LRRC9: variants seen among roughly 807,000 people sequenced by gnomAD.
LRRC9 encodes leucine-rich repeat-containing protein 9.
In LRRC9, 122 loss-of-function variants were observed where a neutral mutation model predicts 63.2. That is an observed-to-expected ratio of 1.93 (90% CI 1.67 to 2.24). The LOEUF (loss-of-function observed/expected upper bound fraction) is 2.24, where lower values mean the gene tolerates loss of function less well. LRRC9 is among the 30% of genes most tolerant of loss of function. LRRC9 has a pLI of 0.00. For missense variants in LRRC9, 1,071 were observed against 627.7 expected, an observed-to-expected ratio of 1.71 and a Z score of -7.55; for synonymous variants, 366 against 213.1, an observed-to-expected ratio of 1.72 and a Z score of -6.25.
chr14:59,981,763 A>G (rs1400212404), intron 15 of LRRC9, 85 bp from the exon 16 acceptor site: 1 of 622,860 alleles, frequency 1.6e-6, no homozygotes, highest in Non-Finnish European at 2.8e-6. Context: ...AAAAATGTCA[A>G]CTCATCTTTT....
At chr14:59,925,607 G>A (rs889172183) in intron 1 of LRRC9, among the ~76,000 whole-genome samples, 1 of 152,166 alleles carries the variant, frequency 6.6e-6, no homozygotes, top group African/African-American at 2.4e-5. Context: ...ATTCAGCATG[G>A]TAGGGCAATG....
intron 17 of LRRC9, among the ~76,000 whole-genome samples, chr14:59,996,154 C>A (rs1317319558): frequency 1.3e-5 from 2 of 151,934 alleles, no homozygotes; most frequent in African/African-American, 4.8e-5. Context: ...ACAGAAGGGC[C>A]ATATAGTAAA....
intron 8 of LRRC9, among the ~76,000 whole-genome samples, chr14:59,945,539 A>C (rs1268752136): frequency 6.6e-6 from 1 of 152,000 alleles, no homozygotes; most frequent in African/African-American, 2.4e-5. Context: ...TATTTATCTG[A>C]TCTCAGCCTG....
At chr14:60,010,631 TTTC>T (rs1890189183) in intron 23 of LRRC9, among the ~76,000 whole-genome samples, 1 of 152,210 alleles carries the variant, frequency 6.6e-6, no homozygotes, top group Non-Finnish European at 1.5e-5. Context: ...AAAATGGGTT[TTTC>T]TTTTCTACTG....
chr14:59,974,281 T>G (rs929318751), intron 12 of LRRC9, among the ~76,000 whole-genome samples: 1 of 152,142 alleles, frequency 6.6e-6, no homozygotes, highest in African/African-American at 2.4e-5. Context: ...GAGTACTCAT[T>G]GAAAGCTATT....
At chr14:59,997,747 G>A (rs542511484) in exon 18 of LRRC9, 291 of 702,380 alleles carry the variant, frequency 4.1e-4, no homozygotes, top group Non-Finnish European at 6.8e-4. Flanking sequence ...TTAGACTTGA[G>A]CTGGAATCAA....
At chr14:59,973,514 C>A (rs1885767086) in intron 12 of LRRC9, 1 of 152,198 alleles carries the variant, frequency 6.6e-6, no homozygotes, top group African/African-American at 2.4e-5. Context: ...ATACCAAAAT[C>A]TGTGAATACA....
chr14:60,025,384 G>A (rs2140304863), intron 27 of LRRC9, among the ~76,000 whole-genome samples: 1 of 151,922 alleles, frequency 6.6e-6, no homozygotes, highest in East Asian at 1.9e-4. Flanking sequence ...TTACAGGCGT[G>A]AGCCACCACT....
At chr14:60,035,823 G>C (rs1892382816) in intron 29 of LRRC9, among the ~76,000 whole-genome samples, 1 of 152,106 alleles carries the variant, frequency 6.6e-6, no homozygotes, top group Non-Finnish European at 1.5e-5. Flanking sequence ...TGGCTATTCG[G>C]GAACATTTTA....
rs1158779977 is a variant in LRRC9 at position 59,930,379 on chromosome 14, A to G, written c.268-539A>G. Among the ~76,000 whole-genome samples the G allele has an allele frequency of 6.6e-6, 1 of 152,088 alleles. No individual in the cohort carries two copies. Among genetic ancestry groups the G allele is most frequent in the Non-Finnish European group, 1.5e-5 (1 of 67,954 alleles). The stretch of plus-strand genomic sequence containing the variant: ...AGAAAACAACCATATGCACGAAGCT[A>G]CTTGTTGCAGCATTATTTATAACTA... On this transcript the variant is annotated intron_variant, in intron 3 of 31. Transcript: ENST00000445360. This position sits in a 1 kb window ranked among gnomAD's most constrained non-coding sequence, Gnocchi z 4.9.
Position 60,051,443 on chromosome 14 carries a change from A to T in LRRC9, c.3991-1622A>T, listed in dbSNP as rs1349234045. Among the ~76,000 whole-genome samples the T allele has an allele frequency of 6.6e-6, 1 of 152,208 alleles. No homozygotes were observed. Among genetic ancestry groups the T allele is most frequent in the African/African-American group, 2.4e-5 (1 of 41,456 alleles). Reference sequence around the variant, plus strand: ...GGACTCTCTACAGATGGCAGGCTGGAACGCTGACTTGACTGAACCACAGAA... The same window carrying T: ...GGACTCTCTACAGATGGCAGGCTGGTACGCTGACTTGACTGAACCACAGAA... On this transcript the variant is annotated intron_variant, in intron 29 of 31. Transcript: ENST00000445360. This position sits in a 1 kb window ranked among gnomAD's most constrained non-coding sequence, Gnocchi z 4.7.
chr14:59,938,917 A>G lies in LRRC9; in HGVS notation c.726+345A>G, dbSNP rs1280381489. Among the ~76,000 whole-genome samples, 1 of 140,724 alleles carries G rather than the reference A, an allele frequency of 7.1e-6. No individual in the cohort carries two copies. Among genetic ancestry groups the G allele is most frequent in the East Asian group, 3.4e-4 (1 of 2,954 alleles). The allele number at this position is 140,724 out of a possible 152,430, so 92.3% of individuals were successfully genotyped here. A position where few individuals can be genotyped will look rare whatever the true frequency, so the allele number is the denominator to read the frequency against. On this transcript the variant is annotated intron_variant, in intron 7 of 31. Coordinates refer to ENST00000445360, the Ensembl canonical transcript of LRRC9. This position sits in a 1 kb window ranked among gnomAD's most constrained non-coding sequence, Gnocchi z 4.2. ...CACATATATATACATATATACACAT[A>G]TGCATATATATACACATATATACAT...
At chr14:59,987,419 A>T in intron 17 of LRRC9, among the ~76,000 whole-genome samples, 1 of 34,546 alleles carries the variant, frequency 2.9e-5, no homozygotes. Flanking sequence ...ACAACAAAAC[A>T]TTCTCACCAC....
chr14:59,938,652 T>C lies in LRRC9; in HGVS notation c.726+80T>C, dbSNP rs757736969. 2.9e-4 allele frequency: 164 copies of C among 571,972 alleles called. 2 individuals are homozygous for C. Among genetic ancestry groups the C allele is most frequent in the Admixed American group, 1.8e-4 (6 of 32,782 alleles). The allele number at this position is 571,972 out of a possible 1,614,324, so 35.4% of individuals were successfully genotyped here. On this transcript the variant is annotated intron_variant, in intron 7 of 31. Transcript: ENST00000445360. This position sits in a 1 kb window ranked among gnomAD's most constrained non-coding sequence, Gnocchi z 4.2. ...TCTTTCTGGCCATGTCCACATACGG[T>C]AGGTAGGATTATCAGTTCAGTTCTT...
intron 23 of LRRC9, among the ~76,000 whole-genome samples, chr14:60,013,793 T>G (rs889958709): frequency 6.6e-6 from 1 of 152,190 alleles, no homozygotes; most frequent in African/African-American, 2.4e-5. Flanking sequence ...CCTGCATATA[T>G]TATTATATTC....
At chr14:59,951,097 C>A (rs1219599067) in intron 8 of LRRC9, among the ~76,000 whole-genome samples, 1 of 62,106 alleles carries the variant, frequency 1.6e-5, no homozygotes, top group Non-Finnish European at 2.9e-5. Context: ...GAGTGTTTTC[C>A]AACTTGGTTC....
Position 59,957,108 on chromosome 14 carries a change from G to T in LRRC9, c.883-2710G>T, listed in dbSNP as rs116902064. Among the ~76,000 whole-genome samples the T allele has an allele frequency of 3.9e-3, 600 of 152,018 alleles. 21 individuals carry two copies. In the East Asian group the frequency reaches 0.058, roughly 15 times the overall value. ...TGGAGAATCTCACGATGTGTCTTGG[G>T]GCTGCTCTTCTCGAGGAGTATCTTA... is the stretch of plus-strand genomic sequence containing the variant. On this transcript the variant is annotated intron_variant, in intron 8 of 31. Transcript: ENST00000445360.
chr14:59,979,505 G>A (rs1197631176), intron 15 of LRRC9, among the ~76,000 whole-genome samples: 3 of 151,976 alleles, frequency 2.0e-5, no homozygotes, highest in African/African-American at 7.2e-5. Flanking sequence ...CCAGCTACTC[G>A]GGAGGCTGAG....
chr14:60,018,425 A>G (rs1890866730), exon 25 of LRRC9: 1 of 700,704 alleles, frequency 1.4e-6, no homozygotes, highest in East Asian at 2.7e-5. Context: ...ATGTGAATCT[A>G]CAGAACAATC....
Sources: gnomAD v4.1 joint callset for allele counts (sites outside exome capture counted in the v4.1 genomes callset) on GRCh38, gnomAD v4.1.1 for gene constraint, Gnocchi (gnomAD v3.1) non-coding constraint, MANE v1.5 for transcripts, NCBI Gene and HGNC (gene_info 2026-07-23, HGNC 2026-07-21) for gene names.